NKAIN2: variants seen among roughly 807,000 people sequenced by gnomAD.
The protein encoded by NKAIN2 is sodium/potassium-transporting ATPase subunit beta-1-interacting protein 2.
A neutral mutation model predicts 32.6 loss-of-function variants in NKAIN2; 14 were observed. The ratio of observed to expected loss-of-function variants is 0.43; its 90% CI spans 0.28 to 0.67. The LOEUF is 0.67. NKAIN2 is among the 30% of genes least tolerant of loss of function. The pLI, the probability that NKAIN2 is intolerant of heterozygous loss-of-function variation, is 0.17. For missense variants in NKAIN2, 198 were observed against 258.3 expected (o/e 0.77, Z 1.60); for synonymous variants, 80 against 87.2 (o/e 0.92, Z 0.46).
intron 1 of NKAIN2, among the ~76,000 whole-genome samples, chr6:123,899,291 C>A (rs1382293388): frequency 6.6e-6 from 1 of 152,164 alleles, no homozygotes; most frequent in Non-Finnish European, 1.5e-5. Flanking sequence ...GTCTTGTGAG[C>A]ACAGATTTCC....
intron 1 of NKAIN2, among the ~76,000 whole-genome samples, chr6:123,957,961 T>C (rs1318644428): frequency 6.6e-6 from 1 of 152,220 alleles, no homozygotes; most frequent in African/African-American, 2.4e-5. Context: ...GGATTGACTA[T>C]GTTTTATGGA....
intron 3 of NKAIN2, among the ~76,000 whole-genome samples, chr6:124,605,535 G>A (rs190717202): frequency 5.3e-5 from 8 of 152,122 alleles, no homozygotes; most frequent in Admixed American, 3.3e-4. Context: ...GGAAAAGACC[G>A]ATGTTGGTTG....
At chr6:124,477,335 G>T (rs1021530602) in intron 3 of NKAIN2, among the ~76,000 whole-genome samples, 11 of 152,128 alleles carry the variant, frequency 7.2e-5, no homozygotes, top group Admixed American at 3.9e-4. Context: ...GTCTTCCACA[G>T]TGTCTGGACA....
rs145171010 is a variant in NKAIN2 at position 124,546,386 on chromosome 6, C to A, written c.274-111800C>A. Among the ~76,000 whole-genome samples the A allele has an allele frequency of 3.7e-3, 565 of 152,182 alleles. 5 individuals are homozygous for A. The highest frequency in any genetic ancestry group is 0.013 in the African/African-American group (534 of 41,512). The stretch of plus-strand genomic sequence containing the variant: ...TGTTGAATAATTGCTCTTTATACGT[C>A]ATCAAAAAGGACATGTCCTCAAAGT... On this transcript the variant is annotated intron_variant, in intron 3 of 6. Coordinates refer to ENST00000368417, the MANE Select transcript of NKAIN2 (RefSeq NM_001040214.3).
intron 3 of NKAIN2, among the ~76,000 whole-genome samples, chr6:124,446,069 T>C (rs923112649): frequency 4.6e-5 from 7 of 152,270 alleles, no homozygotes; most frequent in South Asian, 2.1e-4. Context: ...ATTGGTCTTG[T>C]TGGCTGTCTT....
At chr6:124,581,283 C>CA (rs529034629) in intron 3 of NKAIN2, among the ~76,000 whole-genome samples, 3 of 151,262 alleles carry the variant, frequency 2.0e-5, no homozygotes, top group East Asian at 3.9e-4. Context: ...ACTAAAAATA[C>CA]AAAAAATTAG....
intron 4 of NKAIN2, among the ~76,000 whole-genome samples, chr6:124,779,243 A>AGAG (rs1779129592): frequency 1.1e-4 from 5 of 45,850 alleles, no homozygotes; most frequent in African/African-American, 5.0e-4. Flanking sequence ...GACTCCAACA[A>AGAG]AGAAAGAGAG....
At chr6:124,174,283 G>A (rs1360669341) in intron 1 of NKAIN2, among the ~76,000 whole-genome samples, 1 of 152,054 alleles carries the variant, frequency 6.6e-6, no homozygotes, top group Non-Finnish European at 1.5e-5. Context: ...TTCAGAAGTT[G>A]TTCATTCAAA....
intron 4 of NKAIN2, among the ~76,000 whole-genome samples, chr6:124,690,446 T>G (rs2114536218): frequency 6.6e-6 from 1 of 152,272 alleles, no homozygotes; most frequent in Non-Finnish European, 1.5e-5. Context: ...TTTTCTTGTC[T>G]CATTTCATTA....
chr6:123,861,452 T>C (rs1775782493), intron 1 of NKAIN2, among the ~76,000 whole-genome samples: 1 of 152,198 alleles, frequency 6.6e-6, no homozygotes, highest in Non-Finnish European at 1.5e-5. Context: ...TGATGATGTT[T>C]GACTAGTTTA....
chr6:124,683,427 A>G (rs544782975), intron 4 of NKAIN2, among the ~76,000 whole-genome samples: 1 of 152,152 alleles, frequency 6.6e-6, no homozygotes, highest in African/African-American at 2.4e-5. Context: ...TCTGCTGCCC[A>G]CATGTCAAAA....
At chr6:124,810,275 CAT>C (rs1780828867) in intron 5 of NKAIN2, among the ~76,000 whole-genome samples, 1 of 151,498 alleles carries the variant, frequency 6.6e-6, no homozygotes, top group African/African-American at 2.4e-5. Context: ...AAATGTGGCA[CAT>C]ATACACCATG....
At chr6:124,271,857 G>A (rs947492151) in intron 1 of NKAIN2, among the ~76,000 whole-genome samples, 1 of 152,126 alleles carries the variant, frequency 6.6e-6, no homozygotes, top group Non-Finnish European at 1.5e-5. Context: ...CTATATTTTA[G>A]CAAAGAGATT....
At chr6:124,385,659 T>A (rs62436264) in intron 3 of NKAIN2, among the ~76,000 whole-genome samples, 3,664 of 152,228 alleles carry the variant, frequency 0.024, 99 homozygotes, top group Non-Finnish European at 0.034. Context: ...AAGCTCTGTG[T>A]TTGGACAATA....
At position 123,829,959 on chromosome 6, in the gene NKAIN2, C is replaced by A. The variant is rs543463087; in HGVS notation, c.54+25705C>A. Among the ~76,000 whole-genome samples the A allele has an allele frequency of 3.7e-3, 559 of 152,288 alleles. 4 individuals are homozygous for A. Among genetic ancestry groups the A allele is most frequent in the African/African-American group, 0.013 (537 of 41,544 alleles). On this transcript the variant is annotated intron_variant, in intron 1 of 6. Coordinates refer to ENST00000368417, the MANE Select transcript of NKAIN2 (RefSeq NM_001040214.3). ...GTTGTTGACATCCTCTTACCCTTAA[C>A]CCTTATATCAAAGAAGTCTATAATT...
At position 124,199,771 on chromosome 6, in the gene NKAIN2, T is replaced by A. The variant is rs181237593; in HGVS notation, c.55-83234T>A. Among the ~76,000 whole-genome samples the A allele has an allele frequency of 8.5e-5, 13 of 152,290 alleles. No individual in the cohort carries two copies. The East Asian group carries it at 1.9e-3, about 23-fold the overall frequency. ...TAACAAGAAAATTAACTTGATGTTT[T>A]CAGTATAATCAAAGCAAAGGATTAT... On this transcript the variant is annotated intron_variant, in intron 1 of 6. Coordinates refer to ENST00000368417, the MANE Select transcript of NKAIN2 (RefSeq NM_001040214.3).
At chr6:124,219,802 G>A (rs1369551805) in intron 1 of NKAIN2, among the ~76,000 whole-genome samples, 1 of 151,792 alleles carries the variant, frequency 6.6e-6, no homozygotes, top group Non-Finnish European at 1.5e-5. Flanking sequence ...GTTGAAAGCT[G>A]GTTTATTCCT....
At chr6:124,168,043 C>T (rs1424396806) in intron 1 of NKAIN2, among the ~76,000 whole-genome samples, 1 of 152,148 alleles carries the variant, frequency 6.6e-6, no homozygotes, top group Non-Finnish European at 1.5e-5. Context: ...TGCCTCAATG[C>T]CACATTATTT....
chr6:124,805,891 G>A (rs967483809), intron 5 of NKAIN2, among the ~76,000 whole-genome samples: 25 of 152,300 alleles, frequency 1.6e-4, no homozygotes, highest in Admixed American at 2.6e-4. Flanking sequence ...GGGTATCAGC[G>A]ATGGAAGATG....
Sources: allele counts gnomAD v4.1 joint callset (sites outside exome capture counted in the v4.1 genomes callset), GRCh38; gene constraint gnomAD v4.1.1; transcripts MANE v1.5; gene names NCBI Gene and HGNC (gene_info 2026-07-23, HGNC 2026-07-21).